IL17RB: variants seen among roughly 807,000 people sequenced by gnomAD.
IL17RB encodes interleukin 17 receptor B.
In IL17RB, 36 loss-of-function variants were observed where a neutral mutation model predicts 43.9. The observed-to-expected ratio is 0.82, with a 90% CI of 0.63 to 1.08. IL17RB has a LOEUF of 1.08. Among genes scored for constraint, IL17RB ranks in the 50% least tolerant of loss-of-function variants. IL17RB has a pLI of 0.00. For missense variants in IL17RB, 613 were observed against 613.6 expected (o/e 1.00, Z 0.01); for synonymous variants, 225 against 225.4 (o/e 1.00, Z 0.02).
chr3:53,856,621 G>T (rs1050642128), intron 6 of IL17RB, among the ~76,000 whole-genome samples: 1 of 152,224 alleles, frequency 6.6e-6, no homozygotes, highest in Non-Finnish European at 1.5e-5. Context: ...GCCCAGGGAA[G>T]CTGTTTTTAG....
At chr3:53,855,091 T>C (rs1394428333) in intron 5 of IL17RB, among the ~76,000 whole-genome samples, 1 of 121,174 alleles carries the variant, frequency 8.3e-6, no homozygotes, top group Non-Finnish European at 1.6e-5. Context: ...CACTCCAGCC[T>C]AGGCGACAGA....
chr3:53,851,976 T>C (rs1374432709), intron 3 of IL17RB, 23 bp from the exon 4 acceptor site: 4 of 1,613,816 alleles, frequency 2.5e-6, no homozygotes, highest in Admixed American at 1.7e-5. Flanking sequence ...AATAAACCAA[T>C]GTCCTCTTGC....
At position 53,851,993 on chromosome 3, in the gene IL17RB, C is replaced by G. The variant is rs376984504; in HGVS notation, c.227-6C>G. 5 of 1,613,904 alleles carry G rather than the reference C, an allele frequency of 3.1e-6. No homozygotes were observed. The highest frequency in any genetic ancestry group is 4.2e-6 in the Non-Finnish European group (5 of 1,179,984). On this transcript the variant is annotated splice_polypyrimidine_tract_variant and splice_region_variant and intron_variant, in intron 3 of 10. Transcript: ENST00000288167. ...TAAACCAATGTCCTCTTGCCTATCT[C>G]GGCAGCCAGCATCCGCTTGTTGAAG...
At position 53,865,129 on chromosome 3, in the gene IL17RB, G is replaced by A. The variant is rs771966837; in HGVS notation, c.1330G>A (p.Val444Met). The part of the protein sequence containing the change: ...LRSQIHLHKY[V>M]VVYFREIDTK... ...AAGCCAGATTCATCTGCACAAATAC[G>A]TGGTGGTCTACTTTAGAGAGATTGA... Residue 444 changes from valine to methionine, a missense_variant, in exon 11 of 11, where the codon GTG becomes ATG. Physicochemically the swap from Val to Met is conservative, Grantham distance 21. Transcript: ENST00000288167. 7.4e-6 allele frequency: 12 copies of A among 1,614,018 alleles called. No homozygotes were observed. Among genetic ancestry groups the A allele is most frequent in the East Asian group, 2.2e-5 (1 of 44,896 alleles).
chr3:53,846,658 C>T lies in IL17RB; in HGVS notation c.60+10C>T. On this transcript the variant is annotated intron_variant, in intron 1 of 10. Coordinates refer to ENST00000288167, the MANE Select transcript of IL17RB (RefSeq NM_018725.4). Reference sequence around the variant, plus strand: ...CGTACCCCGAGAGCCGGTAAGCCCCCGCCAGCACCTCTTCCCTCATCTCCC... The same window carrying T: ...CGTACCCCGAGAGCCGGTAAGCCCCTGCCAGCACCTCTTCCCTCATCTCCC... The T allele has an allele frequency of 1.3e-6, 2 of 1,588,824 alleles. No individual in the cohort carries two copies. Among genetic ancestry groups the T allele is most frequent in the East Asian group, 2.3e-5 (1 of 42,642 alleles).
chr3:53,864,528 A>G (rs2884631), intron 10 of IL17RB, among the ~76,000 whole-genome samples: 58,176 of 151,560 alleles, frequency 0.38, 11,654 homozygotes, highest in East Asian at 0.63. Flanking sequence ...GAGTGAGACT[A>G]TGTCTCCAAA....
At chr3:53,857,765 G>A (rs941759912) in intron 8 of IL17RB, 75 bp downstream of exon 8, 3 of 1,319,846 alleles carry the variant, frequency 2.3e-6, no homozygotes, top group Non-Finnish European at 3.3e-6. Flanking sequence ...TTTTAAGGAT[G>A]AGTTCTCTCT....
chr3:53,858,975 T>G, intron 9 of IL17RB, 157 bp downstream of exon 9: 1 of 544,032 alleles, frequency 1.8e-6, no homozygotes, highest in Non-Finnish European at 3.3e-6. Flanking sequence ...AACAGTGCTG[T>G]CCCAGAGAAC....
At chr3:53,857,719 G>A (rs1223330615) in intron 8 of IL17RB, 29 bp downstream of exon 8, 1 of 1,578,382 alleles carries the variant, frequency 6.3e-7, no homozygotes, top group East Asian at 2.2e-5. Context: ...CTCTGGGGAG[G>A]GAAGGGACAT....
At chr3:53,849,605 T>A in intron 2 of IL17RB, 50 bp from the exon 3 acceptor site, 1 of 1,506,610 alleles carries the variant, frequency 6.6e-7, no homozygotes, top group Non-Finnish European at 8.9e-7. Context: ...TGGCATGGCA[T>A]CAGACTGGGC....
rs1699507251 is a variant in IL17RB, at chr3:53,860,157, C to G, written c.875C>G (p.Pro292Arg). ...NNKSKPGGWLPLLLLSLLVAT... is the reference protein window; with the variant it reads ...NNKSKPGGWLRLLLLSLLVAT... ...AAAAGCAAGCCGGGAGGCTGGCTGC[C>G]TCTCCTCCTGCTGTCTCTGCTGGTG... The change falls in exon 10 of 11, where the codon CCT (proline) becomes CGT (arginine). Residue 292 changes from proline to arginine, a missense_variant. Pro to Arg is a moderately radical substitution (Grantham distance 103). Transcript: ENST00000288167. 3.7e-6 allele frequency: 6 copies of G among 1,613,876 alleles called. No homozygotes were observed. The highest frequency in any genetic ancestry group is 5.1e-6 in the Non-Finnish European group (6 of 1,179,904).
At chr3:53,864,275 G>A (rs1353684647) in intron 10 of IL17RB, among the ~76,000 whole-genome samples, 7 of 152,172 alleles carry the variant, frequency 4.6e-5, no homozygotes, top group Non-Finnish European at 5.9e-5. Flanking sequence ...GGTGGCTCAC[G>A]CCTGTAATCC....
chr3:53,857,860 AG>A, intron 8 of IL17RB, 170 bp downstream of exon 8: 1 of 636,318 alleles, frequency 1.6e-6, no homozygotes, highest in Non-Finnish European at 2.8e-6. Context: ...TGCTGAGGTC[AG>A]GAGGCCGACG....
In IL17RB at chr3:53,858,811, G is replaced by A. The variant is rs1288567923; in HGVS notation, c.840G>A (p.Leu280=). ...CACAAACAGGCGTCCCTTTCCCTCTGGATAACAGTAAGTGCCCAGTAACTT... is the reference window on the plus strand; with the variant it reads ...CACAAACAGGCGTCCCTTTCCCTCTAGATAACAGTAAGTGCCCAGTAACTT... ...LCPQTGVPFP[L]DNNKSKPGGW... The change falls in exon 9 of 11, where the codon CTG becomes CTA. Residue 280 remains leucine (L), a synonymous_variant. Coordinates refer to ENST00000288167, the MANE Select transcript of IL17RB (RefSeq NM_018725.4). 1 of 1,613,480 alleles carries A rather than the reference G, an allele frequency of 6.2e-7. No individual in the cohort carries two copies. Among genetic ancestry groups the A allele is most frequent in the African/African-American group, 1.3e-5 (1 of 75,008 alleles).
At chr3:53,853,434 G>A (rs568534801) in intron 5 of IL17RB, among the ~76,000 whole-genome samples, 18 of 152,316 alleles carry the variant, frequency 1.2e-4, no homozygotes, top group African/African-American at 2.4e-4. Context: ...ATGTTTGTTC[G>A]TTCCTATCTC....
rs1699060316 is a variant in IL17RB, at chr3:53,849,636, A to C, written c.86-19A>C. The C allele has an allele frequency of 6.3e-7, 1 of 1,586,370 alleles. No homozygotes were observed. The highest frequency in any genetic ancestry group is 1.1e-5 in the South Asian group (1 of 87,522). Reference sequence around the variant, plus strand: ...TGGGCTGGGAAAGACAGTGTCATGGAAGTCTTGCTTTTTCCCAGGGCCATC... The same window carrying C: ...TGGGCTGGGAAAGACAGTGTCATGGCAGTCTTGCTTTTTCCCAGGGCCATC... On this transcript the variant is annotated intron_variant, in intron 2 of 10. Transcript: ENST00000288167.
chr3:53,853,184 A>G (rs912549522), intron 5 of IL17RB, among the ~76,000 whole-genome samples, 187 bp downstream of exon 5: 3 of 152,228 alleles, frequency 2.0e-5, no homozygotes, highest in Admixed American at 6.5e-5. Context: ...AAAGTCAGGT[A>G]AAATGTAGGA....
At chr3:53,860,258 T>G in intron 10 of IL17RB, 30 bp downstream of exon 10, 5 of 1,536,382 alleles carry the variant, frequency 3.3e-6, no homozygotes, top group Non-Finnish European at 4.4e-6. Context: ...AAAGACATCC[T>G]AGTAAGGAAA....
At chr3:53,853,148 T>C (rs951255444) in intron 5 of IL17RB, 151 bp downstream of exon 5, 5 of 882,654 alleles carry the variant, frequency 5.7e-6, no homozygotes, top group East Asian at 2.5e-5. Context: ...GTAGTAACCA[T>C]ACTTTACCCA....
Sources: gnomAD v4.1 joint callset for allele counts (sites outside exome capture counted in the v4.1 genomes callset) on GRCh38, gnomAD v4.1.1 for gene constraint, MANE v1.5 for transcripts, NCBI Gene and HGNC (gene_info 2026-07-23, HGNC 2026-07-21) for gene names.